The following ALPK3 variants were observed in gnomAD, a reference collection of about 807,000 sequenced individuals.
ALPK3 encodes the protein alpha kinase 3, also known as alpha-protein kinase 3.
ALPK3 carries 102 observed loss-of-function variants against 140.0 expected under a neutral mutation model. That is an observed-to-expected ratio of 0.73 (90% CI 0.62 to 0.86). The LOEUF is 0.86. Ranked by LOEUF, ALPK3 falls within the 40% of genes least tolerant of loss-of-function variation. ALPK3 has a pLI of 0.00. For synonymous variants in ALPK3, 938 were observed against 898.5 expected (o/e 1.04, Z -0.79); for missense variants, 2,254 against 2,208.2 (o/e 1.02, Z -0.42).
At position 84,868,237 on chromosome 15, in the gene ALPK3, C is replaced by G. The variant is rs143514559; in HGVS notation, c.4899C>G (p.Pro1633=). Residue 1633 remains proline (P), a synonymous_variant, in exon 14 of 14, where the codon CCC becomes CCG. Transcript: ENST00000258888. The part of the protein sequence containing the change: ...TPLKGPEAAH[P]QAKAKGSKSP... ...TCAAGGGCCCGGAGGCGGCCCACCC[C>G]CAAGCCAAAGCCAAAGGCTCTAAGA... 4.0e-5 allele frequency: 64 copies of G among 1,614,096 alleles called. No individual in the cohort carries two copies. The African/African-American group carries it at 7.7e-4, about 20-fold the overall frequency.
At chr15:84,861,422 C>G (rs540354232) in intron 9 of ALPK3, among the ~76,000 whole-genome samples, 2 of 151,972 alleles carry the variant, frequency 1.3e-5, no homozygotes, top group African/African-American at 4.8e-5. Context: ...CCTTTTGCAT[C>G]CTATCTGGAG....
At chr15:84,861,309 T>A (rs1029132593) in intron 9 of ALPK3, among the ~76,000 whole-genome samples, 7 of 152,252 alleles carry the variant, frequency 4.6e-5, no homozygotes, top group Admixed American at 4.6e-4. Context: ...ACATGTTAAA[T>A]GCTTCTTCCA....
At chr15:84,820,434 G>A (rs1392297303) in intron 1 of ALPK3, among the ~76,000 whole-genome samples, 1 of 152,140 alleles carries the variant, frequency 6.6e-6, no homozygotes, top group Non-Finnish European at 1.5e-5. Flanking sequence ...TTCGTGGTCA[G>A]TTCTAGTTTT....
chr15:84,835,485 G>A (rs901623085), intron 3 of ALPK3, among the ~76,000 whole-genome samples: 7 of 151,990 alleles, frequency 4.6e-5, no homozygotes, highest in Non-Finnish European at 7.4e-5. Flanking sequence ...TTTACTTATC[G>A]TCCCACAGAT....
rs1325868308 is a variant in ALPK3, at chr15:84,862,922, T to C, written c.4410+7T>C. The C allele has an allele frequency of 1.2e-6, 2 of 1,611,014 alleles. No homozygotes were observed. The highest frequency in any genetic ancestry group is 1.7e-6 in the Non-Finnish European group (2 of 1,177,802). ...CTACGACGTCACCATCCAGGTACTA[T>C]GTCCCATCTTCACACCCCATTCTTT... On this transcript the variant is annotated splice_region_variant and intron_variant, in intron 10 of 13. Coordinates refer to ENST00000258888, the MANE Select transcript of ALPK3 (RefSeq NM_020778.5).
Position 84,871,168 on chromosome 15 carries a change from GA to G in ALPK3, c.*2714del, listed in dbSNP as rs1964066094. 1 of 152,588 alleles carries G rather than the reference GA, an allele frequency of 6.6e-6. No individual in the cohort carries two copies. Among genetic ancestry groups the G allele is most frequent in the Admixed American group, 6.5e-5 (1 of 15,282 alleles). The allele number at this position is 152,588 out of a possible 1,614,324, so 9.5% of individuals were successfully genotyped here. On this transcript the variant is annotated 3_prime_UTR_variant, in exon 14 of 14. Coordinates refer to ENST00000258888, the MANE Select transcript of ALPK3 (RefSeq NM_020778.5). ...GGGTAAAGTCTACAGTCCATTTCTA[GA>G]ACTGGTCATGAGAACTCATGTTTAT...
intron 2 of ALPK3, among the ~76,000 whole-genome samples, chr15:84,825,722 A>G (rs1400597607): frequency 6.6e-6 from 1 of 152,194 alleles, no homozygotes; most frequent in Non-Finnish European, 1.5e-5. Context: ...AAGTAGGATT[A>G]TGTTTAGCCT....
Position 84,871,835 on chromosome 15 carries a change from T to G in ALPK3, c.*3379T>G, listed in dbSNP as rs1964074961. On this transcript the variant is annotated 3_prime_UTR_variant, in exon 14 of 14. Coordinates refer to ENST00000258888, the MANE Select transcript of ALPK3 (RefSeq NM_020778.5). ...ACTATTCTTTTAGCTGTAAAGTGAA[T>G]TCTCTGGTTGGGTGCAGTATGTGAG... 6.6e-6 allele frequency: 1 copy of G among 152,286 alleles called. No homozygotes were observed. The highest frequency in any genetic ancestry group is 2.4e-5 in the African/African-American group (1 of 41,480). 9.4% of individuals were successfully genotyped at this position (152,286 alleles called of 1,614,324 possible). A position where few individuals can be genotyped will look rare whatever the true frequency, so the allele number is the denominator to read the frequency against.
In ALPK3 at chr15:84,870,896, A is replaced by G. The variant is rs1029461481; in HGVS notation, c.*2440A>G. ...CACGTGCTGTTCTCCCATCTCACGT[A>G]TGACGACTCTCCCACAGGTAACCAA... On this transcript the variant is annotated 3_prime_UTR_variant, in exon 14 of 14. Coordinates refer to ENST00000258888, the MANE Select transcript of ALPK3 (RefSeq NM_020778.5). 3 of 152,236 alleles carry G rather than the reference A, an allele frequency of 2.0e-5. No individual in the cohort carries two copies. The highest frequency in any genetic ancestry group is 7.2e-5 in the African/African-American group (3 of 41,454). 9.4% of individuals were successfully genotyped at this position (152,236 alleles called of 1,614,324 possible). A position where few individuals can be genotyped will look rare whatever the true frequency, so the allele number is the denominator to read the frequency against.
intron 11 of ALPK3, 127 bp downstream of exon 11, chr15:84,863,767 C>A: frequency 1.2e-6 from 1 of 845,036 alleles, no homozygotes; most frequent in Non-Finnish European, 1.8e-6. Context: ...GCTCACAGCC[C>A]CATGCTCAGC....
rs1361078455 is a variant in ALPK3, at chr15:84,856,472, T to G, written c.1734T>G (p.Thr578=). Reference sequence around the variant, plus strand: ...ATGTAGCCTCCATTGGGGTTAGCACTTCCGGAAGTCAAGGTATCATTGAAC... The same window carrying G: ...ATGTAGCCTCCATTGGGGTTAGCACGTCCGGAAGTCAAGGTATCATTGAAC... ...SSDVASIGVS[T]SGSQGIIEPM... Residue 578 remains threonine, a synonymous_variant, in exon 6 of 14, where the codon ACT becomes ACG. Coordinates refer to ENST00000258888, the MANE Select transcript of ALPK3 (RefSeq NM_020778.5). 1 of 1,614,156 alleles carries G rather than the reference T, an allele frequency of 6.2e-7. No individual in the cohort carries two copies. Among genetic ancestry groups the G allele is most frequent in the South Asian group, 1.1e-5 (1 of 91,064 alleles).
At position 84,862,693 on chromosome 15, in the gene ALPK3, C is replaced by A. The variant is rs550244353; in HGVS notation, c.4188C>A (p.Gly1396=). 8 of 1,614,164 alleles carry A rather than the reference C, an allele frequency of 5.0e-6. No individual in the cohort carries two copies. The African/African-American group carries it at 6.7e-5, about 13-fold the overall frequency. The part of the protein sequence containing the change: ...MVFAKGLADS[G]CWGDKLFGRL... ...TTGCTAAGGGTCTGGCTGACTCTGG[C>A]TGCTGGGGGGACAAGCTCTTTGGGC... The change falls in exon 10 of 14, where the codon GGC becomes GGA. Residue 1396 remains glycine, a synonymous_variant. Coordinates refer to ENST00000258888, the MANE Select transcript of ALPK3 (RefSeq NM_020778.5).
At chr15:84,846,884 C>T (rs1437150864) in intron 5 of ALPK3, among the ~76,000 whole-genome samples, 9 of 152,026 alleles carry the variant, frequency 5.9e-5, no homozygotes, top group Admixed American at 5.9e-4. Flanking sequence ...CCTGCCTCAG[C>T]CTCCTGAGGG....
At position 84,840,925 on chromosome 15, in the gene ALPK3, C is replaced by T. The variant is rs758425827; in HGVS notation, c.1646C>T (p.Pro549Leu). The T allele has an allele frequency of 5.0e-6, 8 of 1,585,060 alleles. No individual in the cohort carries two copies. The South Asian group carries it at 6.9e-5, about 14-fold the overall frequency. Residue 549 changes from proline (P) to leucine (L), a missense_variant, in exon 5 of 14, where the codon CCA (proline) becomes CTA (leucine). Around this residue, in one of 3 missense-constraint regions of ALPK3, gnomAD observed 2,088 missense variants for 2,022.9 expected, o/e 1.03. Coordinates refer to ENST00000258888, the MANE Select transcript of ALPK3 (RefSeq NM_020778.5). ...TLQGQAGHRT[P>L]GEVLECQTTT... ...CAGGGGCAAGCAGGCCACAGGACTC[C>T]AGGAGAGGTAAGTGTGGGTGTTGGG... is the stretch of plus-strand genomic sequence containing the variant.
At chr15:84,830,791 C>T (rs776905645) in intron 3 of ALPK3, among the ~76,000 whole-genome samples, 3 of 152,080 alleles carry the variant, frequency 2.0e-5, no homozygotes, top group African/African-American at 7.2e-5. Context: ...TCAACCGCCC[C>T]GGCTCAGGTG....
chr15:84,837,630 C>T (rs145321073), intron 3 of ALPK3, among the ~76,000 whole-genome samples: 12 of 152,278 alleles, frequency 7.9e-5, no homozygotes, highest in African/African-American at 2.4e-4. Context: ...AAGCAAGTAA[C>T]GCAGATCAGT....
chr15:84,863,500 T>C (rs1963971129), intron 10 of ALPK3, 52 bp from the exon 11 acceptor site: 2 of 1,524,798 alleles, frequency 1.3e-6, no homozygotes, highest in Non-Finnish European at 1.8e-6. Flanking sequence ...GTAGACACAG[T>C]GGAGGACTGA....
chr15:84,864,646 C>T lies in ALPK3; in HGVS notation c.4704C>T (p.Phe1568=). The part of the protein sequence containing the change: ...HWLYQWTNGS[F]LVTDLAGVDW... ...TGTATCAGTGGACAAATGGCAGCTT[C>T]CTTGTCACAGACTTGGCAGGTACGA... is the stretch of plus-strand genomic sequence containing the variant. The change falls in exon 12 of 14, where the codon TTC becomes TTT. Residue 1568 remains phenylalanine (F), a synonymous_variant. Coordinates refer to ENST00000258888, the MANE Select transcript of ALPK3 (RefSeq NM_020778.5). 6 of 1,614,112 alleles carry T rather than the reference C, an allele frequency of 3.7e-6. No individual in the cohort carries two copies. Among genetic ancestry groups the T allele is most frequent in the Non-Finnish European group, 5.1e-6 (6 of 1,179,954 alleles).
chr15:84,861,835 TGAGG>T (rs1963949120), intron 9 of ALPK3, among the ~76,000 whole-genome samples: 1 of 152,338 alleles, frequency 6.6e-6, no homozygotes, highest in East Asian at 1.9e-4. Flanking sequence ...GTTTATTTTT[TGAGG>T]GAGGAGATTG....
Sources: allele counts gnomAD v4.1 joint callset (sites outside exome capture counted in the v4.1 genomes callset), GRCh38; gene constraint gnomAD v4.1.1; regional missense constraint gnomAD v4.1.1; transcripts MANE v1.5; gene names NCBI Gene and HGNC (gene_info 2026-07-23, HGNC 2026-07-21).